ASZ1: variants seen among roughly 807,000 people sequenced by gnomAD.
ASZ1 encodes ankyrin repeat, SAM and basic leucine zipper domain-containing protein 1.
ASZ1 carries 67 observed loss-of-function variants against 61.8 expected under a neutral mutation model. That is an observed-to-expected ratio of 1.08 (90% CI 0.89 to 1.33). ASZ1 has a LOEUF of 1.33. Ranked by LOEUF, ASZ1 falls within the 40% of genes most tolerant of loss-of-function variation. The pLI is 0.00. For synonymous variants in ASZ1, 193 were observed against 192.7 expected (o/e 1.00, Z -0.01); for missense variants, 577 against 554.5 (o/e 1.04, Z -0.41).
In ASZ1 at chr7:117,382,095, G is replaced by A; in HGVS notation, c.862C>T (p.Leu288Phe). The change falls in exon 8 of 13, where the codon CTT becomes TTT. Residue 288 changes from leucine to phenylalanine, a missense_variant. By Grantham distance (22) the Leu-to-Phe change is conservative (BLOSUM62 0). Transcript: ENST00000284629. ...TTTAGTAAATCTGTCATATGTTCAA[G>A]TCCAAGACCATGTAAAAATACTTCC... ...DLEVFLHGLG[L>F]EHMTDLLKER... 6.3e-7 allele frequency: 1 copy of A among 1,596,424 alleles called. No homozygotes were observed. Among genetic ancestry groups the A allele is most frequent in the Non-Finnish European group, 8.6e-7 (1 of 1,164,518 alleles).
intron 2 of ASZ1, among the ~76,000 whole-genome samples, chr7:117,426,029 C>T (rs1219712052): frequency 1.3e-5 from 2 of 151,964 alleles, no homozygotes; most frequent in African/African-American, 4.8e-5. Context: ...ATCTGATGCT[C>T]TCAAAGTTTT....
chr7:117,426,720 A>C (rs1219311881), intron 2 of ASZ1, 116 bp downstream of exon 2: 1 of 908,650 alleles, frequency 1.1e-6, no homozygotes, highest in African/African-American at 1.7e-5. Context: ...ATGCAGGATG[A>C]TACATTAACA....
intron 5 of ASZ1, 81 bp from the exon 6 acceptor site, chr7:117,384,941 A>G (rs1796320593): frequency 5.6e-6 from 7 of 1,250,588 alleles, no homozygotes; most frequent in African/African-American, 3.1e-5. Context: ...AACAGTATTT[A>G]TGACACAATA....
chr7:117,379,423 A>T (rs1489410026), intron 10 of ASZ1, among the ~76,000 whole-genome samples: 1 of 151,590 alleles, frequency 6.6e-6, no homozygotes, highest in Non-Finnish European at 1.5e-5. Flanking sequence ...AAAATCAAAT[A>T]TTATTTTCAA....
intron 10 of ASZ1, among the ~76,000 whole-genome samples, chr7:117,373,544 A>G (rs1016386979): frequency 6.6e-6 from 1 of 152,192 alleles, no homozygotes; most frequent in Admixed American, 6.6e-5. Context: ...ATTATAATCA[A>G]TCAGTTCAAC....
At chr7:117,367,493 T>C in intron 11 of ASZ1, 28 bp from the exon 12 acceptor site, 1 of 1,410,446 alleles carries the variant, frequency 7.1e-7, no homozygotes, top group Non-Finnish European at 9.3e-7. Context: ...AGTTCAACAT[T>C]AAATAATGGA....
chr7:117,408,737 A>G (rs1003784097), intron 4 of ASZ1, among the ~76,000 whole-genome samples: 13 of 152,164 alleles, frequency 8.5e-5, no homozygotes, highest in Non-Finnish European at 1.2e-4. Flanking sequence ...TGCTGAGCAA[A>G]AGAATTCAGA....
intron 4 of ASZ1, among the ~76,000 whole-genome samples, chr7:117,415,213 T>C (rs1269729945): frequency 6.6e-6 from 1 of 152,236 alleles, no homozygotes; most frequent in Non-Finnish European, 1.5e-5. Context: ...TCTCTTTATC[T>C]GTGGTTTTGC....
At chr7:117,369,843 A>G (rs1315461319) in intron 10 of ASZ1, among the ~76,000 whole-genome samples, 1 of 152,238 alleles carries the variant, frequency 6.6e-6, no homozygotes, top group African/African-American at 2.4e-5. Flanking sequence ...TCTTGAGTCA[A>G]GAGTCAATGT....
intron 4 of ASZ1, among the ~76,000 whole-genome samples, chr7:117,390,046 G>A (rs534258468): frequency 9.2e-5 from 14 of 152,128 alleles, no homozygotes; most frequent in African/African-American, 2.9e-4. Flanking sequence ...AGCTGCATGC[G>A]TGCTGCTGCA....
chr7:117,399,503 C>T (rs984795985), intron 4 of ASZ1, among the ~76,000 whole-genome samples: 1 of 152,168 alleles, frequency 6.6e-6, no homozygotes, highest in African/African-American at 2.4e-5. Context: ...TCTTCTAACT[C>T]TTAGCGTTTA....
intron 11 of ASZ1, 166 bp from the exon 12 acceptor site, chr7:117,367,631 T>C (rs1795968661): frequency 8.8e-7 from 1 of 1,136,786 alleles, no homozygotes; most frequent in Non-Finnish European, 1.1e-6. Flanking sequence ...TTTATAAAAA[T>C]ATAATCAAAT....
chr7:117,384,900 A>C (rs1796320115), intron 5 of ASZ1, 40 bp from the exon 6 acceptor site: 2 of 1,502,020 alleles, frequency 1.3e-6, no homozygotes, highest in South Asian at 2.7e-5. Flanking sequence ...AAAGAGAAGG[A>C]GTGTATATGA....
At chr7:117,413,812 C>G (rs1796941085) in intron 4 of ASZ1, among the ~76,000 whole-genome samples, 1 of 151,956 alleles carries the variant, frequency 6.6e-6, no homozygotes, top group Non-Finnish European at 1.5e-5. Context: ...AATTACAGAG[C>G]TGACACAAAA....
intron 4 of ASZ1, among the ~76,000 whole-genome samples, chr7:117,393,090 G>A (rs1796504606): frequency 6.6e-6 from 1 of 151,710 alleles, no homozygotes; most frequent in Non-Finnish European, 1.5e-5. Flanking sequence ...CAGGTGATCC[G>A]CCCAGCTCAG....
chr7:117,427,250 G>A, intron 1 of ASZ1, 106 bp downstream of exon 1: 1 of 1,269,420 alleles, frequency 7.9e-7, no homozygotes, highest in South Asian at 1.3e-5. Context: ...TGGGTAAAAG[G>A]GAAATACACG....
chr7:117,393,470 T>C (rs959425492), intron 4 of ASZ1, among the ~76,000 whole-genome samples: 5 of 152,164 alleles, frequency 3.3e-5, no homozygotes, highest in Non-Finnish European at 7.4e-5. Context: ...TATCATTTTC[T>C]CTTTGGTCCC....
intron 4 of ASZ1, among the ~76,000 whole-genome samples, chr7:117,397,128 C>T (rs1333105422): frequency 6.6e-6 from 1 of 152,018 alleles, no homozygotes; most frequent in Non-Finnish European, 1.5e-5. Flanking sequence ...TATAGTCCAA[C>T]TTCTTGGGAT....
At chr7:117,419,423 A>G (rs961072886) in intron 4 of ASZ1, among the ~76,000 whole-genome samples, 2 of 152,208 alleles carry the variant, frequency 1.3e-5, no homozygotes, top group African/African-American at 4.8e-5. Context: ...TAGCATAATT[A>G]TTTCTGTATA....
Sources: allele counts gnomAD v4.1 joint callset (sites outside exome capture counted in the v4.1 genomes callset), GRCh38; gene constraint gnomAD v4.1.1; transcripts MANE v1.5; gene names NCBI Gene and HGNC (gene_info 2026-07-23, HGNC 2026-07-21).